Variants in ZNF57 observed in about 807,000 individuals in gnomAD.
ZNF57 encodes zinc finger protein 57, also known as zinc finger protein 424.
Under a neutral mutation model 13.4 loss-of-function variants are expected in ZNF57, and 11 were observed. The observed-to-expected ratio is 0.82, with a 90% CI of 0.52 to 1.36. ZNF57 has a LOEUF of 1.36. ZNF57 is among the 40% of genes most tolerant of loss of function. The pLI, the probability that ZNF57 is intolerant of heterozygous loss-of-function variation, is 0.00. For synonymous variants in ZNF57, 224 were observed against 238.5 expected (o/e 0.94, Z 0.56); for missense variants, 696 against 667.5 (o/e 1.04, Z -0.47).
At chr19:2,916,814 C>A in intron 3 of ZNF57, 110 bp from the exon 4 acceptor site, 1 of 933,670 alleles carries the variant, frequency 1.1e-6, no homozygotes, top group Non-Finnish European at 1.5e-6. Context: ...AATAGAAAAA[C>A]TTCACGTATA....
At chr19:2,913,173 C>T (rs545729776) in intron 1 of ZNF57, among the ~76,000 whole-genome samples, 4 of 152,288 alleles carry the variant, frequency 2.6e-5, no homozygotes, top group South Asian at 2.1e-4. Flanking sequence ...CAGCTGGTCT[C>T]AAACTGCTGA....
chr19:2,902,327 C>G (rs773537854), intron 1 of ZNF57, among the ~76,000 whole-genome samples: 3 of 152,064 alleles, frequency 2.0e-5, no homozygotes, highest in Non-Finnish European at 4.4e-5. Context: ...CTGTACTGTT[C>G]TCCTGTTTGG....
At chr19:2,905,835 C>CTTTCA (rs1568179409) in intron 1 of ZNF57, among the ~76,000 whole-genome samples, 1 of 151,424 alleles carries the variant, frequency 6.6e-6, no homozygotes, top group African/African-American at 2.4e-5. Context: ...AGACATTTGC[C>CTTTCA]TTTCATTTCA....
At position 2,918,441 on chromosome 19, in the gene ZNF57, GCT is replaced by G. The variant is rs1443867652; in HGVS notation, c.*155_*156del. On this transcript the variant is annotated 3_prime_UTR_variant, in exon 4 of 4. Coordinates refer to ENST00000306908, the MANE Select transcript of ZNF57 (RefSeq NM_173480.3). The stretch of plus-strand genomic sequence containing the variant: ...CAGACCCATTAGTCGTGAATTTCCA[GCT>G]CTTTCAAAAATAAATGTTTATGTGA... 5 of 811,306 alleles carry G rather than the reference GCT, an allele frequency of 6.2e-6. No individual in the cohort carries two copies. The highest frequency in any genetic ancestry group is 9.2e-6 in the Non-Finnish European group (5 of 540,726). The allele number at this position is 811,306 out of a possible 1,614,324, so 50.3% of individuals were successfully genotyped here.
In ZNF57 at chr19:2,917,107, C is replaced by A. The variant is rs778418988; in HGVS notation, c.486C>A (p.His162Gln). The A allele has an allele frequency of 6.2e-7, 1 of 1,614,064 alleles. No individual in the cohort carries two copies. The highest frequency in any genetic ancestry group is 8.5e-7 in the Non-Finnish European group (1 of 1,179,908). Residue 162 changes from histidine (H) to glutamine (Q), a missense_variant, in exon 4 of 4, where the codon CAC becomes CAA. By Grantham distance (24) the His-to-Gln change is conservative (BLOSUM62 0). Around this residue, in one of 3 missense-constraint regions of ZNF57, gnomAD observed 645 missense variants for 591.5 expected, o/e 1.09. Coordinates refer to ENST00000306908, the MANE Select transcript of ZNF57 (RefSeq NM_173480.3). Reference sequence around the variant, plus strand: ...CTCTTAAAAGGCACGTCAAGTCTCACTGTGGACGAAAAGCACCTCCAGGTG... The same window carrying A: ...CTCTTAAAAGGCACGTCAAGTCTCAATGTGGACGAAAAGCACCTCCAGGTG... ...LSSLKRHVKS[H>Q]CGRKAPPGEE...
rs1413644196 is a variant in ZNF57 at position 2,916,204 on chromosome 19, A to G, written c.257A>G (p.Lys86Arg). Reference sequence around the variant, plus strand: ...AATTCCTGTGCCTACACTTTAGAAAAAAATTGTGAAGGCTATGGCACTGAA... The same window carrying G: ...AATTCCTGTGCCTACACTTTAGAAAGAAATTGTGAAGGCTATGGCACTGAA... ...GNNSCAYTLE[K>R]NCEGYGTEDH... Residue 86 changes from lysine to arginine, a missense_variant, in exon 3 of 4, where the codon AAA (lysine) becomes AGA (arginine). Coordinates refer to ENST00000306908, the MANE Select transcript of ZNF57 (RefSeq NM_173480.3). 2 of 1,613,754 alleles carry G rather than the reference A, an allele frequency of 1.2e-6. No individual in the cohort carries two copies. Among genetic ancestry groups the G allele is most frequent in the Non-Finnish European group, 1.7e-6 (2 of 1,179,894 alleles).
At chr19:2,912,149 C>T (rs949026487) in intron 1 of ZNF57, 1 of 152,166 alleles carries the variant, frequency 6.6e-6, no homozygotes, top group Non-Finnish European at 1.5e-5. Flanking sequence ...ATTCTTGAGC[C>T]TGTGCCCCGC....
rs959070458 is a variant in ZNF57 at position 2,909,290 on chromosome 19, T to G, written c.4-6232T>G. 4.5e-5 allele frequency among the ~76,000 whole-genome samples: 6 copies of G among 134,530 alleles called. No individual in the cohort carries two copies. The Admixed American group carries it at 4.6e-4, about 10-fold the overall frequency. 88.3% of individuals were successfully genotyped at this position (134,530 alleles called of 152,430 possible). ...TATTTTATTTATTTTTGTTTTTTTT[T>G]TTTTTTTTGAGACAGAGTCTCGCTC... is the stretch of plus-strand genomic sequence containing the variant. On this transcript the variant is annotated intron_variant, in intron 1 of 3. Coordinates refer to ENST00000306908, the MANE Select transcript of ZNF57 (RefSeq NM_173480.3).
Position 2,909,291 on chromosome 19 carries a change from T to TTTTTTC in ZNF57, c.4-6226_4-6225insCTTTTT, listed in dbSNP as rs1555677957. Reference sequence around the variant, plus strand: ...ATTTTATTTATTTTTGTTTTTTTTTTTTTTTTTGAGACAGAGTCTCGCTCT... The same window carrying TTTTTTC: ...ATTTTATTTATTTTTGTTTTTTTTTTTTTTTCTTTTTTTGAGACAGAGTCTCGCTCT... On this transcript the variant is annotated intron_variant, in intron 1 of 3. Coordinates refer to ENST00000306908, the MANE Select transcript of ZNF57 (RefSeq NM_173480.3). Among the ~76,000 whole-genome samples, 5 of 135,110 alleles carry TTTTTTC rather than the reference T, an allele frequency of 3.7e-5. No individual in the cohort carries two copies. The East Asian group carries it at 1.1e-3, about 29-fold the overall frequency. The allele number at this position is 135,110 out of a possible 152,430, so 88.6% of individuals were successfully genotyped here.
intron 1 of ZNF57, among the ~76,000 whole-genome samples, chr19:2,904,409 G>A (rs58597012): frequency 0.03 from 4,533 of 151,916 alleles, 103 homozygotes; most frequent in Middle Eastern, 0.1. Context: ...TGGTGTGATC[G>A]TGGCTCACTG....
chr19:2,910,802 G>C (rs1307058433), intron 1 of ZNF57, among the ~76,000 whole-genome samples: 1 of 85,116 alleles, frequency 1.2e-5, no homozygotes, highest in African/African-American at 3.6e-5. Context: ...CCCTGTGTTG[G>C]CCAGGATGGT....
intron 1 of ZNF57, among the ~76,000 whole-genome samples, chr19:2,909,281 G>GTTTATTTTTTTTTT (rs1555677925): frequency 9.3e-6 from 1 of 107,166 alleles, no homozygotes; most frequent in Non-Finnish European, 1.8e-5. Context: ...ATTTATTTTT[G>GTTTATTTTTTTTTT]TTTTTTTTTT....
Position 2,917,214 on chromosome 19 carries a change from G to A in ZNF57, c.593G>A (p.Cys198Tyr), listed in dbSNP as rs1334009942. 5 of 1,614,082 alleles carry A rather than the reference G, an allele frequency of 3.1e-6. No homozygotes were observed. Among genetic ancestry groups the A allele is most frequent in the Non-Finnish European group, 2.5e-6 (3 of 1,180,052 alleles). ...RTDTEEKPYK[C>Y]QACGQTFQHP... ...GACACTGAGGAGAAGCCGTATAAGT[G>A]TCAAGCATGTGGGCAAACTTTCCAA... Residue 198 changes from cysteine (C) to tyrosine (Y), a missense_variant, in exon 4 of 4, where the codon TGT becomes TAT. Cys to Tyr is a radical substitution (Grantham distance 194). Transcript: ENST00000306908.
rs368583453 is a variant in ZNF57, at chr19:2,917,316, C to T, written c.695C>T (p.Ala232Val). ...KTYKCEQCRMAFNGFASFTRH... is the reference protein window; with the variant it reads ...KTYKCEQCRMVFNGFASFTRH... ...TACAAATGCGAGCAGTGTCGGATGG[C>T]GTTTAATGGGTTCGCAAGCTTCACT... Residue 232 changes from alanine to valine, a missense_variant, in exon 4 of 4, where the codon GCG (alanine) becomes GTG (valine). Physicochemically the swap from Ala to Val is moderately conservative, Grantham distance 64. Around this residue, in one of 3 missense-constraint regions of ZNF57, gnomAD observed 645 missense variants for 591.5 expected, o/e 1.09. Coordinates refer to ENST00000306908, the MANE Select transcript of ZNF57 (RefSeq NM_173480.3). The T allele has an allele frequency of 2.9e-5, 46 of 1,613,918 alleles. No individual in the cohort carries two copies. Among genetic ancestry groups the T allele is most frequent in the African/African-American group, 1.7e-4 (13 of 74,926 alleles).
At chr19:2,908,143 T>A (rs1481725098) in intron 1 of ZNF57, among the ~76,000 whole-genome samples, 1 of 152,258 alleles carries the variant, frequency 6.6e-6, no homozygotes, top group Non-Finnish European at 1.5e-5. Flanking sequence ...AGAAACATAA[T>A]GCAATTTCTT....
Position 2,912,428 on chromosome 19 carries a change from C to T in ZNF57, c.4-3094C>T, listed in dbSNP as rs918655618. Reference sequence around the variant, plus strand: ...GATTGCTAACTCAGACTTGGGCCCGCTGTGCCCCCAGCAATTCATCAGTTA... The same window carrying T: ...GATTGCTAACTCAGACTTGGGCCCGTTGTGCCCCCAGCAATTCATCAGTTA... On this transcript the variant is annotated intron_variant, in intron 1 of 3. Transcript: ENST00000306908. Among the ~76,000 whole-genome samples the T allele has an allele frequency of 4.6e-5, 7 of 152,232 alleles. No individual in the cohort carries two copies. In the South Asian group the frequency reaches 8.3e-4, roughly 18 times the overall value.
chr19:2,909,104 CTT>C (rs1433409591), intron 1 of ZNF57, among the ~76,000 whole-genome samples: 1 of 151,976 alleles, frequency 6.6e-6, no homozygotes, highest in African/African-American at 2.4e-5. Context: ...AGTTGATCAA[CTT>C]TGAGTTGTTT....
chr19:2,915,736 G>C (rs751605792), intron 2 of ZNF57, 88 bp downstream of exon 2: 2 of 1,593,856 alleles, frequency 1.3e-6, no homozygotes, highest in East Asian at 2.2e-5. Context: ...ATGTGGGAAA[G>C]GACTAAGACA....
At position 2,916,264 on chromosome 19, in the gene ZNF57, C is replaced by T. The variant is rs372664899; in HGVS notation, c.302+15C>T. ...AAAAATCTGAGGTGAGTTGCACTCACAAGAGAAAAATCCTTGTATGCAATT... is the reference window on the plus strand; with the variant it reads ...AAAAATCTGAGGTGAGTTGCACTCATAAGAGAAAAATCCTTGTATGCAATT... On this transcript the variant is annotated intron_variant, in intron 3 of 3. Transcript: ENST00000306908. 4 of 1,580,510 alleles carry T rather than the reference C, an allele frequency of 2.5e-6. No homozygotes were observed. The highest frequency in any genetic ancestry group is 2.3e-5 in the South Asian group (2 of 86,134).
Sources: gnomAD v4.1 joint callset for allele counts (sites outside exome capture counted in the v4.1 genomes callset) on GRCh38, gnomAD v4.1.1 for gene constraint, gnomAD v4.1.1 regional missense constraint, MANE v1.5 for transcripts, NCBI Gene and HGNC (gene_info 2026-07-23, HGNC 2026-07-21) for gene names.